Variants in FGF14 observed in about 807,000 individuals in gnomAD.
FGF14 encodes the protein fibroblast growth factor 14.
Under a neutral mutation model 25.5 loss-of-function variants are expected in FGF14, and 5 were observed. The observed-to-expected ratio is 0.20, with a 90% confidence interval of 0.10 to 0.41. FGF14 has a LOEUF of 0.41. Among genes scored for constraint, FGF14 ranks in the 10% least tolerant of loss-of-function variants. FGF14 has a pLI of 1.00. For missense variants in FGF14, 222 were observed against 320.1 expected (o/e 0.69, Z 2.34); for synonymous variants, 138 against 118.3 (o/e 1.17, Z -1.08).
At chr13:102,100,452 G>C (rs998984356) in intron 1 of FGF14, among the ~76,000 whole-genome samples, 5 of 152,138 alleles carry the variant, frequency 3.3e-5, no homozygotes, top group South Asian at 2.1e-4. Context: ...TGGCTTTGCA[G>C]AACAGAAGGA....
At chr13:101,747,082 T>C (rs572973503) in intron 3 of FGF14, among the ~76,000 whole-genome samples, 3 of 152,070 alleles carry the variant, frequency 2.0e-5, no homozygotes, top group African/African-American at 7.2e-5. Flanking sequence ...GAAAGTGGTA[T>C]GTTGAGCATT....
At chr13:102,378,080 A>T (rs1443474699) in intron 1 of FGF14, among the ~76,000 whole-genome samples, 1 of 152,206 alleles carries the variant, frequency 6.6e-6, no homozygotes, top group Non-Finnish European at 1.5e-5. Flanking sequence ...TAAAAAGCAC[A>T]AGGATTTTTA....
intron 1 of FGF14, among the ~76,000 whole-genome samples, chr13:102,245,043 T>A (rs554964474): frequency 6.6e-6 from 1 of 152,256 alleles, no homozygotes; most frequent in Admixed American, 6.5e-5. Context: ...ATTTAGGGAA[T>A]GCCTGCAGAG....
chr13:102,135,079 G>A (rs1043730615), intron 1 of FGF14, among the ~76,000 whole-genome samples: 1 of 151,192 alleles, frequency 6.6e-6, no homozygotes, highest in South Asian at 2.1e-4. Context: ...GTGGTGGTGT[G>A]CACCAATAAT....
intron 1 of FGF14, among the ~76,000 whole-genome samples, chr13:101,977,682 C>G (rs56110935): frequency 0.019 from 2,952 of 152,220 alleles, 82 homozygotes; most frequent in African/African-American, 0.065. Context: ...CGAGTGATCC[C>G]TGGGATGCAG....
At chr13:102,245,681 T>A (rs2051830430) in intron 1 of FGF14, among the ~76,000 whole-genome samples, 1 of 151,996 alleles carries the variant, frequency 6.6e-6, no homozygotes, top group African/African-American at 2.4e-5. Context: ...ACACACACTA[T>A]CCTCTGGACT....
In FGF14 at chr13:102,334,263, C is replaced by T. The variant is rs184118230; in HGVS notation, c.208+67208G>A. Among the ~76,000 whole-genome samples, 4 of 152,248 alleles carry T rather than the reference C, an allele frequency of 2.6e-5. No homozygotes were observed. In the East Asian group the frequency reaches 7.7e-4, roughly 29 times the overall value. Reference sequence around the variant, plus strand: ...GCAAATGTTAAGTTGATTTGAACATCTGTGGTTTAGTCCTATCTGATAGAC... The same window carrying T: ...GCAAATGTTAAGTTGATTTGAACATTTGTGGTTTAGTCCTATCTGATAGAC... On this transcript the variant is annotated intron_variant, in intron 1 of 4. Coordinates refer to the FGF14 transcript ENST00000376131.
chr13:101,956,634 A>T (rs1253550507), intron 1 of FGF14, among the ~76,000 whole-genome samples: 1 of 152,134 alleles, frequency 6.6e-6, no homozygotes, highest in Non-Finnish European at 1.5e-5. Flanking sequence ...TAAAAATATA[A>T]TATCCACAAG....
intron 1 of FGF14, among the ~76,000 whole-genome samples, chr13:102,356,860 A>G (rs1419267656): frequency 2.6e-5 from 4 of 151,646 alleles, no homozygotes; most frequent in Non-Finnish European, 5.9e-5. Flanking sequence ...ACTGGAAGAT[A>G]ATTATAACTT....
intron 1 of FGF14, among the ~76,000 whole-genome samples, chr13:102,100,282 T>C (rs1031917111): frequency 5.3e-5 from 8 of 152,188 alleles, no homozygotes; most frequent in African/African-American, 1.9e-4. Context: ...GATCTGCAGA[T>C]TGGGTTCCAA....
intron 1 of FGF14, among the ~76,000 whole-genome samples, chr13:102,244,765 G>A (rs772947628): frequency 2.0e-5 from 3 of 152,024 alleles, no homozygotes; most frequent in Non-Finnish European, 4.4e-5. Flanking sequence ...GAAAGAAACT[G>A]TGCTCCATCC....
chr13:101,829,606 A>G (rs368868732), intron 3 of FGF14, among the ~76,000 whole-genome samples: 2 of 152,114 alleles, frequency 1.3e-5, no homozygotes, highest in African/African-American at 2.4e-5. Flanking sequence ...CAGCATCGTC[A>G]TCATAAAAAA....
intron 1 of FGF14, among the ~76,000 whole-genome samples, chr13:102,338,100 T>C (rs1316222360): frequency 6.6e-6 from 1 of 152,104 alleles, no homozygotes; most frequent in African/African-American, 2.4e-5. Flanking sequence ...TTTTTTCTTG[T>C]TGTTTTTTCA....
At chr13:102,157,579 AT>A (rs1295737235) in intron 1 of FGF14, among the ~76,000 whole-genome samples, 3 of 152,344 alleles carry the variant, frequency 2.0e-5, no homozygotes, top group Admixed American at 6.5e-5. Flanking sequence ...AGGCAATACC[AT>A]TCAGGACATA....
At chr13:102,274,276 G>A (rs1286284761) in intron 1 of FGF14, among the ~76,000 whole-genome samples, 2 of 152,180 alleles carry the variant, frequency 1.3e-5, no homozygotes, top group Admixed American at 1.3e-4. Context: ...GAATCCCACA[G>A]TGAATCCCAC....
intron 1 of FGF14, among the ~76,000 whole-genome samples, chr13:102,188,946 G>GAGAAAGAAAGAAAGAAAGAAAGAA (rs71125054): frequency 1.1e-4 from 10 of 90,914 alleles, no homozygotes; most frequent in South Asian, 4.2e-4. Context: ...AAAGAAAGGA[G>GAGAAAGAAAGAAAGAAAGAAAGAA]AGAAAGAAAG....
chr13:102,163,867 G>A (rs1174668867), intron 1 of FGF14, among the ~76,000 whole-genome samples: 1 of 152,120 alleles, frequency 6.6e-6, no homozygotes, highest in Non-Finnish European at 1.5e-5. Context: ...GCCACTTAAA[G>A]TCTGGAACAA....
intron 1 of FGF14, among the ~76,000 whole-genome samples, chr13:102,358,549 A>G (rs982004465): frequency 5.3e-5 from 8 of 152,204 alleles, no homozygotes; most frequent in Non-Finnish European, 1.2e-4. Context: ...GTCATCAGTT[A>G]ATCTACAAGT....
intron 3 of FGF14, among the ~76,000 whole-genome samples, chr13:101,728,891 G>A (rs1464867316): frequency 3.3e-5 from 5 of 152,136 alleles, no homozygotes; most frequent in East Asian, 3.9e-4. Flanking sequence ...TCTTCTGATC[G>A]TCACTGCCAT....
Sources: gnomAD v4.1 joint callset for allele counts (sites outside exome capture counted in the v4.1 genomes callset) on GRCh38, gnomAD v4.1.1 for gene constraint, MANE v1.5 for transcripts, NCBI Gene and HGNC (gene_info 2026-07-23, HGNC 2026-07-21) for gene names.